The following MACROD2 variants were observed in gnomAD, a reference collection of about 807,000 sequenced individuals.
MACROD2 encodes the protein mono-ADP ribosylhydrolase 2, also known as ADP-ribose glycohydrolase MACROD2.
A neutral mutation model predicts 70.4 loss-of-function variants in MACROD2; 36 were observed. The ratio of observed to expected loss-of-function variants is 0.51; its 90% CI spans 0.39 to 0.68. The LOEUF (loss-of-function observed/expected upper bound fraction) is 0.68. Among genes scored for constraint, MACROD2 ranks in the 30% least tolerant of loss-of-function variants. The probability of loss-of-function intolerance (pLI) is 0.00; values close to 1 mark genes in which losing one functional copy is unlikely to be tolerated. For missense variants in MACROD2, 496 were observed against 538.4 expected, an observed-to-expected ratio of 0.92 and a Z score of 0.78; for synonymous variants, 172 against 178.8, an observed-to-expected ratio of 0.96 and a Z score of 0.30.
At position 14,101,145 on chromosome 20, in the gene MACROD2, A is replaced by G. The variant is rs191197654; in HGVS notation, c.271+15417A>G. ...GTTCCCTTGGATTTTCTAGGCATAT[A>G]CATTTTTATGCACACTGCTTCTCTG... On this transcript the variant is annotated intron_variant, in intron 3 of 17. Coordinates refer to ENST00000684519, the MANE Select transcript of MACROD2 (RefSeq NM_001351661.2). Among the ~76,000 whole-genome samples the G allele has an allele frequency of 5.9e-5, 9 of 151,892 alleles. No individual in the cohort carries two copies. In the East Asian group the frequency reaches 1.7e-3, roughly 29 times the overall value.
intron 5 of MACROD2, among the ~76,000 whole-genome samples, chr20:14,777,442 G>A (rs2072247789): frequency 6.6e-6 from 1 of 151,940 alleles, no homozygotes; most frequent in Non-Finnish European, 1.5e-5. Flanking sequence ...GTTAGAGGCT[G>A]GAAAGCTATC....
intron 5 of MACROD2, among the ~76,000 whole-genome samples, chr20:14,897,950 T>C (rs1002429176): frequency 6.6e-6 from 1 of 152,106 alleles, no homozygotes; most frequent in Non-Finnish European, 1.5e-5. Flanking sequence ...TCTGCCCTCA[T>C]GAACCAATCA....
At chr20:14,485,586 A>G (rs2084716302) in intron 3 of MACROD2, among the ~76,000 whole-genome samples, 1 of 151,670 alleles carries the variant, frequency 6.6e-6, no homozygotes, top group Admixed American at 6.6e-5. Flanking sequence ...CTGTAGTCCC[A>G]GCTACTTGGG....
At chr20:15,194,749 A>G (rs962914518) in intron 5 of MACROD2, among the ~76,000 whole-genome samples, 1 of 151,922 alleles carries the variant, frequency 6.6e-6, no homozygotes, top group Non-Finnish European at 1.5e-5. Context: ...AGTATTCCTT[A>G]TTTTTTTCAC....
chr20:15,980,439 G>A (rs2066381185), intron 13 of MACROD2, among the ~76,000 whole-genome samples: 1 of 152,116 alleles, frequency 6.6e-6, no homozygotes, highest in Non-Finnish European at 1.5e-5. Flanking sequence ...GATTGATAGT[G>A]ATTCATATAG....
chr20:14,501,440 T>G (rs1221394300), intron 4 of MACROD2, among the ~76,000 whole-genome samples: 2 of 152,094 alleles, frequency 1.3e-5, no homozygotes, highest in African/African-American at 4.8e-5. Context: ...TACTAATATG[T>G]ATACTAGTGT....
chr20:14,911,651 A>T (rs2074029045), intron 5 of MACROD2, among the ~76,000 whole-genome samples: 1 of 151,972 alleles, frequency 6.6e-6, no homozygotes, highest in South Asian at 2.1e-4. Context: ...GGGATTGCAG[A>T]TGTGAGCCAC....
At chr20:15,735,692 A>G (rs896131892) in intron 8 of MACROD2, among the ~76,000 whole-genome samples, 2 of 152,182 alleles carry the variant, frequency 1.3e-5, no homozygotes, top group African/African-American at 4.8e-5. Context: ...ATTGCAGTGC[A>G]TGTTTCCATT....
At chr20:14,681,695 T>C (rs1414736253) in intron 4 of MACROD2, among the ~76,000 whole-genome samples, 3 of 152,186 alleles carry the variant, frequency 2.0e-5, no homozygotes, top group Non-Finnish European at 2.9e-5. Context: ...TTGTTAAAAG[T>C]TGTCAAAACT....
chr20:14,357,860 G>A (rs1420772271), intron 3 of MACROD2, among the ~76,000 whole-genome samples: 3 of 152,192 alleles, frequency 2.0e-5, no homozygotes, highest in African/African-American at 7.2e-5. Context: ...GTGCTCTCAA[G>A]ATTTCAAGAA....
chr20:15,234,008 TATTC>T (rs2076986918), intron 6 of MACROD2, among the ~76,000 whole-genome samples: 7 of 62,142 alleles, frequency 1.1e-4, no homozygotes, highest in South Asian at 5.8e-4. Flanking sequence ...TATATATATA[TATTC>T]TTTTTTTTTT....
intron 5 of MACROD2, among the ~76,000 whole-genome samples, chr20:15,121,455 G>A (rs2076029655): frequency 6.7e-6 from 1 of 148,964 alleles, no homozygotes; most frequent in Admixed American, 6.8e-5. Flanking sequence ...AGAGGTTGCA[G>A]TGAGCCGAGA....
At chr20:14,582,429 G>C (rs1317968576) in intron 4 of MACROD2, among the ~76,000 whole-genome samples, 1 of 152,050 alleles carries the variant, frequency 6.6e-6, no homozygotes, top group Non-Finnish European at 1.5e-5. Flanking sequence ...GTTGCCTTAA[G>C]ATCCTCCTCC....
chr20:14,478,744 G>A (rs1248984283), intron 3 of MACROD2, among the ~76,000 whole-genome samples: 1 of 152,108 alleles, frequency 6.6e-6, no homozygotes, highest in African/African-American at 2.4e-5. Flanking sequence ...CCTTATTTTA[G>A]TAGGTAGTAA....
intron 6 of MACROD2, among the ~76,000 whole-genome samples, chr20:15,234,009 ATTCTTTTTTTTTTTTTTTTTT>A (rs2076987922): frequency 2.5e-4 from 10 of 39,974 alleles, no homozygotes; most frequent in Admixed American, 4.1e-4. Context: ...ATATATATAT[ATTCTTTTTTTTTTTTTTTTTT>A]TTTTTTTTTT....
intron 6 of MACROD2, among the ~76,000 whole-genome samples, chr20:15,234,583 C>G (rs1421152789): frequency 2.0e-5 from 3 of 152,158 alleles, no homozygotes; most frequent in Non-Finnish European, 4.4e-5. Context: ...CTGAGGAATG[C>G]ATAGTCAGAC....
At chr20:14,028,661 C>T (rs981490211) in intron 2 of MACROD2, among the ~76,000 whole-genome samples, 3 of 152,068 alleles carry the variant, frequency 2.0e-5, no homozygotes, top group Non-Finnish European at 2.9e-5. Context: ...CATGGCTTCC[C>T]TTGGCTAGGG....
At chr20:15,390,851 A>T (rs892822604) in intron 6 of MACROD2, among the ~76,000 whole-genome samples, 4 of 152,230 alleles carry the variant, frequency 2.6e-5, no homozygotes, top group African/African-American at 9.6e-5. Context: ...TTTGCAAAGC[A>T]GATTTATTTA....
chr20:15,274,890 C>T (rs2077376894), intron 6 of MACROD2, among the ~76,000 whole-genome samples: 1 of 152,140 alleles, frequency 6.6e-6, no homozygotes. Context: ...GGAAAGGCTT[C>T]CTGGAAGAAG....
Sources: allele counts gnomAD v4.1 joint callset (sites outside exome capture counted in the v4.1 genomes callset), GRCh38; gene constraint gnomAD v4.1.1; transcripts MANE v1.5; gene names NCBI Gene and HGNC (gene_info 2026-07-23, HGNC 2026-07-21).